The following TULP4 variants were observed in gnomAD, a reference collection of about 807,000 sequenced individuals.
TULP4 encodes the protein TUB like protein 4.
A neutral mutation model predicts 129.0 loss-of-function variants in TULP4; 16 were observed. The ratio of observed to expected loss-of-function variants is 0.12; its 90% CI spans 0.08 to 0.19. TULP4 has a LOEUF of 0.19. TULP4 is among the 10% of genes least tolerant of loss of function. The pLI is 1.00. For synonymous variants in TULP4, 998 were observed against 854.0 expected (o/e 1.17, Z -2.94); for missense variants, 1,842 against 2,059.1 (o/e 0.89, Z 2.04).
At chr6:158,326,991 T>G (rs1469059612) in intron 1 of TULP4, among the ~76,000 whole-genome samples, 1 of 152,126 alleles carries the variant, frequency 6.6e-6, no homozygotes, top group Non-Finnish European at 1.5e-5. Flanking sequence ...GACTGCGGGA[T>G]TTGAGTATGT....
At chr6:158,321,554 A>G (rs1779632906) in intron 1 of TULP4, among the ~76,000 whole-genome samples, 1 of 152,106 alleles carries the variant, frequency 6.6e-6, no homozygotes, top group Non-Finnish European at 1.5e-5. Flanking sequence ...TGAACCTCAG[A>G]TCAGTTCCAT....
intron 9 of TULP4, among the ~76,000 whole-genome samples, chr6:158,490,941 A>G (rs768719806): frequency 6.6e-6 from 1 of 152,136 alleles, no homozygotes; most frequent in Non-Finnish European, 1.5e-5. Flanking sequence ...GGATATTTGT[A>G]GTTTCCAGTT....
chr6:158,403,459 C>T (rs977335127), intron 1 of TULP4, among the ~76,000 whole-genome samples: 3 of 152,164 alleles, frequency 2.0e-5, no homozygotes, highest in African/African-American at 7.2e-5. Flanking sequence ...CCTGCCTTAG[C>T]GTCCCGAGTA....
upstream of TULP4, among the ~76,000 whole-genome samples, chr6:158,279,101 C>T (rs1778701165): frequency 6.6e-6 from 1 of 151,388 alleles, no homozygotes; most frequent in African/African-American, 2.4e-5. Flanking sequence ...CTATGCCCGG[C>T]TAATTTTTTT....
intron 1 of TULP4, among the ~76,000 whole-genome samples, chr6:158,263,790 C>A (rs1237322314): frequency 6.6e-6 from 1 of 151,466 alleles, no homozygotes; most frequent in African/African-American, 2.4e-5. Context: ...AGGCTGGGCG[C>A]GGTGGCTCAT....
intron 5 of TULP4, among the ~76,000 whole-genome samples, chr6:158,457,938 A>T (rs894518348): frequency 2.6e-5 from 4 of 151,622 alleles, no homozygotes; most frequent in Non-Finnish European, 5.9e-5. Context: ...AAAAAAATGT[A>T]CCTGTTATTT....
intron 1 of TULP4, among the ~76,000 whole-genome samples, chr6:158,234,107 GT>G: frequency 6.6e-6 from 1 of 152,232 alleles, no homozygotes; most frequent in Admixed American, 6.5e-5. Flanking sequence ...ATTTACTATT[GT>G]TTATTTTAAA....
chr6:158,349,859 C>G (rs1279552227), intron 1 of TULP4, among the ~76,000 whole-genome samples: 1 of 119,144 alleles, frequency 8.4e-6, no homozygotes, highest in Admixed American at 9.0e-5. Flanking sequence ...CCTCACCTCC[C>G]AGACGGGGCG....
intron 1 of TULP4, among the ~76,000 whole-genome samples, chr6:158,390,812 T>G (rs997720648): frequency 6.6e-6 from 1 of 152,168 alleles, no homozygotes; most frequent in African/African-American, 2.4e-5. Flanking sequence ...TGTTTTAAAA[T>G]AGGAATAAAG....
intron 1 of TULP4, among the ~76,000 whole-genome samples, chr6:158,305,027 G>C (rs974484523): frequency 2.0e-5 from 3 of 151,932 alleles, no homozygotes; most frequent in Non-Finnish European, 4.4e-5. Flanking sequence ...ACATTATTTT[G>C]CAACCATTTG....
chr6:158,309,398 C>T (rs920875824), upstream of TULP4, among the ~76,000 whole-genome samples: 2 of 148,240 alleles, frequency 1.3e-5, no homozygotes, highest in Non-Finnish European at 3.0e-5. Context: ...ACGCTCCTCA[C>T]TTTCCAGACT....
At chr6:158,341,353 T>C (rs576202444) in intron 1 of TULP4, among the ~76,000 whole-genome samples, 69 of 152,296 alleles carry the variant, frequency 4.5e-4, no homozygotes, top group African/African-American at 1.4e-3. Context: ...TGGACACAGG[T>C]TAATTCCATA....
At chr6:158,284,278 C>T (rs1012795344) in intron 1 of TULP4, among the ~76,000 whole-genome samples, 6 of 152,200 alleles carry the variant, frequency 3.9e-5, no homozygotes, top group Non-Finnish European at 7.3e-5. Flanking sequence ...AAGAAAAAGT[C>T]TCTTTTGAGA....
rs369232657 is a variant in TULP4 at position 158,479,892 on chromosome 6, C to T, written c.1168C>T (p.Arg390Cys). Residue 390 changes from arginine (R) to cysteine (C), a missense_variant, in exon 7 of 14, where the codon CGT becomes TGT. This residue lies in a region of TULP4 where 456 missense variants were observed against 534.3 expected (regional missense o/e 0.85). Coordinates refer to ENST00000367097, the MANE Select transcript of TULP4 (RefSeq NM_020245.5). ...LCQQAIASTL[R>C]EDKDVSKLTL... ...CCAGCAGGCCATCGCCAGCACCTTGCGTGAGGACAAGGACGTCAGCAAGCT... is the reference window on the plus strand; with the variant it reads ...CCAGCAGGCCATCGCCAGCACCTTGTGTGAGGACAAGGACGTCAGCAAGCT... 11 of 1,613,220 alleles carry T rather than the reference C, an allele frequency of 6.8e-6. No individual in the cohort carries two copies. The highest frequency in any genetic ancestry group is 4.4e-5 in the South Asian group (4 of 91,080).
intron 1 of TULP4, chr6:158,242,141 A>T: frequency 2.1e-6 from 2 of 946,184 alleles, no homozygotes; most frequent in Non-Finnish European, 3.5e-6. Flanking sequence ...ATCTGACCAT[A>T]AGTGATGGCC....
chr6:158,358,020 T>A (rs2114824932), intron 1 of TULP4, among the ~76,000 whole-genome samples: 1 of 152,252 alleles, frequency 6.6e-6, no homozygotes, highest in African/African-American at 2.4e-5. Flanking sequence ...CACATAGGAG[T>A]GCTCTGTGGG....
intron 7 of TULP4, 150 bp from the exon 8 acceptor site, chr6:158,480,905 C>T: frequency 1.6e-6 from 1 of 640,326 alleles, no homozygotes; most frequent in Non-Finnish European, 2.7e-6. Context: ...TGTTCTACAC[C>T]ACATAGTTAC....
intron 1 of TULP4, among the ~76,000 whole-genome samples, chr6:158,395,308 C>T (rs886585334): frequency 5.3e-5 from 8 of 151,984 alleles, no homozygotes; most frequent in East Asian, 1.9e-4. Context: ...TGGCCGGGCA[C>T]GGTGGCTCAT....
intron 1 of TULP4, among the ~76,000 whole-genome samples, chr6:158,389,235 A>C (rs1294414666): frequency 1.3e-5 from 2 of 152,224 alleles, no homozygotes; most frequent in African/African-American, 4.8e-5. Flanking sequence ...GGATTGCTTA[A>C]GCTCAGGAGT....
Sources: allele counts gnomAD v4.1 joint callset (sites outside exome capture counted in the v4.1 genomes callset), GRCh38; gene constraint gnomAD v4.1.1; regional missense constraint gnomAD v4.1.1; transcripts MANE v1.5; gene names NCBI Gene and HGNC (gene_info 2026-07-23, HGNC 2026-07-21).